The following DLG2 variants were observed in gnomAD, a reference collection of about 807,000 sequenced individuals.
DLG2 encodes discs large MAGUK scaffold protein 2, also known as disks large homolog 2.
In DLG2, 45 loss-of-function variants were observed where a neutral mutation model predicts 132.5. The ratio of observed to expected loss-of-function variants is 0.34; its 90% confidence interval spans 0.27 to 0.44. DLG2 has a LOEUF of 0.44. Ranked by LOEUF, DLG2 falls within the 20% of genes least tolerant of loss-of-function variation. The pLI, the probability that DLG2 is intolerant of heterozygous loss-of-function variation, is 1.00. For missense variants in DLG2, 1,045 were observed against 1,196.9 expected (o/e 0.87, Z 1.87); for synonymous variants, 424 against 419.6 (o/e 1.01, Z -0.13).
intron 6 of DLG2, among the ~76,000 whole-genome samples, chr11:84,845,269 TATA>T (rs907378618): frequency 6.6e-5 from 10 of 152,112 alleles, no homozygotes; most frequent in Admixed American, 1.3e-4. Flanking sequence ...TCCTTTTCAG[TATA>T]ATGAGAATAA....
intron 18 of DLG2, among the ~76,000 whole-genome samples, chr11:83,745,119 C>T (rs953013181): frequency 6.6e-6 from 1 of 152,182 alleles, no homozygotes; most frequent in African/African-American, 2.4e-5. Context: ...TCGCGATCAA[C>T]TCATCTGCTC....
chr11:84,798,471 G>A (rs2074960288), intron 6 of DLG2, among the ~76,000 whole-genome samples: 1 of 152,140 alleles, frequency 6.6e-6, no homozygotes, highest in Non-Finnish European at 1.5e-5. Context: ...CTGGCCCATG[G>A]GGCATTCTGG....
intron 17 of DLG2, among the ~76,000 whole-genome samples, chr11:83,807,181 A>C (rs2046125571): frequency 6.6e-6 from 1 of 152,232 alleles, no homozygotes; most frequent in African/African-American, 2.4e-5. Flanking sequence ...TCTCTCCTTC[A>C]TCACTTTCCT....
chr11:84,031,249 A>T (rs1303579750), intron 11 of DLG2, among the ~76,000 whole-genome samples: 7 of 145,714 alleles, frequency 4.8e-5, no homozygotes, highest in African/African-American at 1.5e-4. Context: ...AAAAAAAAAA[A>T]TGAATATAGG....
At chr11:84,442,866 G>A (rs1003529970) in intron 7 of DLG2, among the ~76,000 whole-genome samples, 3 of 152,018 alleles carry the variant, frequency 2.0e-5, no homozygotes, top group African/African-American at 4.8e-5. Flanking sequence ...TAGTGCTAAT[G>A]TATATTAAAA....
Position 84,615,818 on chromosome 11 carries a change from TA to T in DLG2, c.358-81088del, listed in dbSNP as rs559199428. Among the ~76,000 whole-genome samples, 314 of 67,626 alleles carry T rather than the reference TA, an allele frequency of 4.6e-3. 4 individuals carry two copies. Among genetic ancestry groups the T allele is most frequent in the East Asian group, 0.013 (33 of 2,574 alleles). The allele number at this position is 67,626 out of a possible 152,430, so 44.4% of individuals were successfully genotyped here. On this transcript the variant is annotated intron_variant, in intron 6 of 27. Transcript: ENST00000376104. ...AGAGAAAATTTCAGGACAAAAACGG[TA>T]AAAAAAAAAAAAAAAAAAAAACTTC... is the stretch of plus-strand genomic sequence containing the variant.
chr11:84,242,993 T>TTCTC (rs145284405), intron 8 of DLG2, among the ~76,000 whole-genome samples: 71,941 of 125,180 alleles, frequency 0.57, 20,632 homozygotes, highest in Middle Eastern at 0.72. Flanking sequence ...ATTAATTAGG[T>TTCTC]TCTCTCTCTC....
intron 18 of DLG2, among the ~76,000 whole-genome samples, chr11:83,655,491 T>A (rs1293973466): frequency 6.6e-6 from 1 of 152,316 alleles, no homozygotes; most frequent in East Asian, 1.9e-4. Context: ...AGCTGGGACA[T>A]GCTTGGGAGC....
intron 6 of DLG2, among the ~76,000 whole-genome samples, chr11:85,006,620 T>C (rs1300074179): frequency 6.6e-6 from 1 of 152,180 alleles, no homozygotes; most frequent in Non-Finnish European, 1.5e-5. Context: ...CTCTCTTTTC[T>C]TCTTTATTAG....
chr11:83,827,859 C>T (rs2053332770), intron 17 of DLG2, among the ~76,000 whole-genome samples: 1 of 152,160 alleles, frequency 6.6e-6, no homozygotes, highest in African/African-American at 2.4e-5. Flanking sequence ...GCCCTAAATT[C>T]TCCTCCATGA....
At chr11:83,531,191 AC>A (rs34631678) in intron 21 of DLG2, among the ~76,000 whole-genome samples, 151,889 of 152,136 alleles carry the variant, frequency 1, 75,823 homozygotes, top group Middle Eastern at 1. Context: ...CCTTTTGTGT[AC>A]CAAAGAACAC....
At chr11:83,478,186 A>T (rs1245765290) in intron 22 of DLG2, among the ~76,000 whole-genome samples, 1 of 152,154 alleles carries the variant, frequency 6.6e-6, no homozygotes, top group Non-Finnish European at 1.5e-5. Context: ...TGAATAAATA[A>T]ACATTCCTCT....
chr11:84,146,404 T>A (rs2095083427), intron 9 of DLG2, among the ~76,000 whole-genome samples: 1 of 152,180 alleles, frequency 6.6e-6, no homozygotes, highest in South Asian at 2.1e-4. Flanking sequence ...ACATTTTACA[T>A]GATATGTGAT....
intron 8 of DLG2, among the ~76,000 whole-genome samples, chr11:84,167,334 AT>A (rs1423916988): frequency 2.6e-5 from 4 of 152,188 alleles, no homozygotes; most frequent in Non-Finnish European, 4.4e-5. Context: ...GCCAACTCAA[AT>A]TTAAACTTGG....
At chr11:85,264,838 A>G (rs908688595) in intron 4 of DLG2, among the ~76,000 whole-genome samples, 4 of 152,222 alleles carry the variant, frequency 2.6e-5, no homozygotes, top group Non-Finnish European at 5.9e-5. Context: ...AGTTACTGAC[A>G]TTGAACTTCT....
At chr11:85,480,926 C>T (rs1483744128) in intron 3 of DLG2, among the ~76,000 whole-genome samples, 1 of 152,140 alleles carries the variant, frequency 6.6e-6, no homozygotes, top group Admixed American at 6.5e-5. Flanking sequence ...ATAGGCAAAA[C>T]AGGATGGTGT....
At chr11:83,918,896 G>A (rs973342599) in intron 15 of DLG2, among the ~76,000 whole-genome samples, 1 of 152,158 alleles carries the variant, frequency 6.6e-6, no homozygotes, top group East Asian at 1.9e-4. Context: ...GCCTCTGCCA[G>A]ACACTGCCCA....
At chr11:85,228,720 A>G (rs1442823704) in intron 4 of DLG2, among the ~76,000 whole-genome samples, 1 of 151,320 alleles carries the variant, frequency 6.6e-6, no homozygotes, top group Non-Finnish European at 1.5e-5. Flanking sequence ...TGGCTTATTT[A>G]TCTTTAACTT....
chr11:83,659,763 C>G (rs1591912454), intron 18 of DLG2, among the ~76,000 whole-genome samples: 1 of 152,222 alleles, frequency 6.6e-6, no homozygotes, highest in Non-Finnish European at 1.5e-5. Context: ...TAAGAACACG[C>G]CCTTCCTGAA....
Sources: allele counts gnomAD v4.1 joint callset (sites outside exome capture counted in the v4.1 genomes callset), GRCh38; gene constraint gnomAD v4.1.1; transcripts MANE v1.5; gene names NCBI Gene and HGNC (gene_info 2026-07-23, HGNC 2026-07-21).